Variants in ENTREP2 observed in about 807,000 individuals in gnomAD.
ENTREP2 encodes the protein endosomal transmembrane epsin interactor 2, also known as protein ENTREP2.
chr15:29,222,893 C>G, the ENTREP2 span, among the ~76,000 whole-genome samples: 2 of 152,196 alleles, frequency 1.3e-5, no homozygotes, highest in African/African-American at 4.8e-5. Context: ...AAGTTTTTGT[C>G]TGGTCTCTAA....
At chr15:29,362,090 G>A in the ENTREP2 span, among the ~76,000 whole-genome samples, 1 of 152,048 alleles carries the variant, frequency 6.6e-6, no homozygotes, top group Non-Finnish European at 1.5e-5. Context: ...GCACATCCCA[G>A]GGCTTCTGAG....
chr15:29,642,915 A>C, the ENTREP2 span, among the ~76,000 whole-genome samples: 1 of 152,068 alleles, frequency 6.6e-6, no homozygotes, highest in Non-Finnish European at 1.5e-5. Context: ...CCTGGCCAAT[A>C]ATATTCTTTT....
the ENTREP2 span, among the ~76,000 whole-genome samples, chr15:29,243,761 T>C: frequency 6.6e-6 from 1 of 152,156 alleles, no homozygotes; most frequent in Non-Finnish European, 1.5e-5. Flanking sequence ...AAATATACAA[T>C]GTTCGAAAGA....
At chr15:29,600,458 C>CATCATCATCATCA in the ENTREP2 span, among the ~76,000 whole-genome samples, 1 of 151,780 alleles carries the variant, frequency 6.6e-6, no homozygotes, top group Non-Finnish European at 1.5e-5. Flanking sequence ...TCATCATCAT[C>CATCATCATCATCA]ATCATCATCA....
chr15:29,175,597 G>C, the ENTREP2 span, among the ~76,000 whole-genome samples: 2 of 152,260 alleles, frequency 1.3e-5, no homozygotes, highest in Admixed American at 6.5e-5. Context: ...GCTGATGTTT[G>C]TCCATCTCTC....
chr15:29,225,064 C>G, the ENTREP2 span, among the ~76,000 whole-genome samples: 1 of 152,228 alleles, frequency 6.6e-6, no homozygotes, highest in African/African-American at 2.4e-5. Flanking sequence ...TGAGCCCATG[C>G]CCACCCAGAA....
chr15:29,536,264 T>C, the ENTREP2 span, among the ~76,000 whole-genome samples: 1 of 152,248 alleles, frequency 6.6e-6, no homozygotes, highest in Admixed American at 6.5e-5. Context: ...TGTACATGTG[T>C]CCTCTGATTC....
At chr15:29,254,794 T>A in the ENTREP2 span, among the ~76,000 whole-genome samples, 1 of 151,978 alleles carries the variant, frequency 6.6e-6, no homozygotes, top group Admixed American at 6.6e-5. Context: ...GAGGTGGAGG[T>A]TGCAGTGAGC....
At chr15:29,661,080 G>T in the ENTREP2 span, among the ~76,000 whole-genome samples, 1 of 152,160 alleles carries the variant, frequency 6.6e-6, no homozygotes, top group African/African-American at 2.4e-5. Flanking sequence ...GATTTGTAAA[G>T]AATTCTCCAT....
At chr15:29,493,686 G>T in the ENTREP2 span, among the ~76,000 whole-genome samples, 2 of 151,946 alleles carry the variant, frequency 1.3e-5, no homozygotes, top group Non-Finnish European at 2.9e-5. Flanking sequence ...GATAATAAAA[G>T]CATTCCTGGC....
At chr15:29,671,079 T>C in the ENTREP2 span, among the ~76,000 whole-genome samples, 38 of 152,266 alleles carry the variant, frequency 2.5e-4, 1 homozygote, top group East Asian at 7.2e-3. Context: ...CAGTGGTCAA[T>C]GATTAATGAA....
the ENTREP2 span, chr15:29,569,998 C>T: frequency 6.6e-6 from 1 of 151,890 alleles, no homozygotes; most frequent in East Asian, 2.0e-4. Context: ...TCCCCGATAT[C>T]CGGGCTGACC....
chr15:29,544,163 A>G, the ENTREP2 span, among the ~76,000 whole-genome samples: 1 of 152,338 alleles, frequency 6.6e-6, no homozygotes, highest in South Asian at 2.1e-4. Flanking sequence ...ATACAGTAAC[A>G]CTGCAGAAGA....
At chr15:29,372,169 ATCT>A in the ENTREP2 span, among the ~76,000 whole-genome samples, 1 of 152,122 alleles carries the variant, frequency 6.6e-6, no homozygotes, top group Non-Finnish European at 1.5e-5. Flanking sequence ...TTACACATGG[ATCT>A]TCTTCTACCT....
At chr15:29,451,740 T>A in the ENTREP2 span, among the ~76,000 whole-genome samples, 1 of 152,002 alleles carries the variant, frequency 6.6e-6, no homozygotes, top group African/African-American at 2.4e-5. Flanking sequence ...ACCACTCCTA[T>A]CACAGCCACT....
the ENTREP2 span, among the ~76,000 whole-genome samples, chr15:29,304,503 C>T: frequency 1.8e-4 from 28 of 152,170 alleles, no homozygotes; most frequent in Admixed American, 2.6e-4. Context: ...CAAAACCATA[C>T]GACTACATGG....
chr15:29,444,610 G>C, the ENTREP2 span, among the ~76,000 whole-genome samples: 4 of 151,874 alleles, frequency 2.6e-5, no homozygotes, highest in African/African-American at 9.7e-5. Context: ...GGCACTACAG[G>C]CGCCCACCAC....
At chr15:29,137,164 G>A in the ENTREP2 span, 3 of 1,482,052 alleles carry the variant, frequency 2.0e-6, no homozygotes, top group Non-Finnish European at 2.7e-6. Flanking sequence ...ACGCAGGTGG[G>A]GTTGGCAGGA....
chr15:29,270,513 T>C, the ENTREP2 span, among the ~76,000 whole-genome samples: 1 of 152,242 alleles, frequency 6.6e-6, no homozygotes, highest in Non-Finnish European at 1.5e-5. Context: ...ACCACAATTT[T>C]AGCAGAAATG....
Sources: allele counts gnomAD v4.1 joint callset (sites outside exome capture counted in the v4.1 genomes callset), GRCh38; gene constraint gnomAD v4.1.1; transcripts MANE v1.5; gene names NCBI Gene and HGNC (gene_info 2026-07-23, HGNC 2026-07-21).